Variants in TTLL3 observed in about 807,000 individuals in gnomAD.
TTLL3 encodes tubulin monoglycylase TTLL3.
Under a neutral mutation model 75.2 loss-of-function variants are expected in TTLL3, and 63 were observed. The ratio of observed to expected loss-of-function variants is 0.84; its 90% CI spans 0.68 to 1.03. The LOEUF is 1.03. Among genes scored for constraint, TTLL3 ranks in the 50% least tolerant of loss-of-function variants. The probability of loss-of-function intolerance (pLI) is 0.00; values close to 1 mark genes in which losing one functional copy is unlikely to be tolerated. For synonymous variants in TTLL3, 393 were observed against 418.5 expected (o/e 0.94, Z 0.74); for missense variants, 997 against 1,069.9 (o/e 0.93, Z 0.95).
At position 9,810,432 on chromosome 3, in the gene TTLL3, G is replaced by A. The variant is rs1322368623; in HGVS notation, c.-42+38G>A. The A allele has an allele frequency of 7.0e-7, 1 of 1,424,442 alleles. No homozygotes were observed. The highest frequency in any genetic ancestry group is 2.6e-5 in the East Asian group (1 of 37,834). 88.2% of individuals were successfully genotyped at this position (1,424,442 alleles called of 1,614,324 possible). ...CGGCCCGCTCGCTCTGGCCTACAGC[G>A]GCTGCGAGGACGACAAGACGCTGGG... On this transcript the variant is annotated intron_variant, in intron 1 of 13. Coordinates refer to ENST00000685419, the MANE Select transcript of TTLL3 (RefSeq NM_001387446.1). This position sits in a 1 kb window ranked among gnomAD's most constrained non-coding sequence, Gnocchi z 4.4.
Position 9,810,614 on chromosome 3 carries a change from T to C in TTLL3, c.-41-7T>C. 6.4e-7 allele frequency: 1 copy of C among 1,559,472 alleles called. No individual in the cohort carries two copies. The highest frequency in any genetic ancestry group is 1.2e-5 in the South Asian group (1 of 84,554). ...GTACCCCGCCCCTATTCCGCATCTTTCTGCAGGTTTCCCGGTCCTCTGGCG... is the reference window on the plus strand; with the variant it reads ...GTACCCCGCCCCTATTCCGCATCTTCCTGCAGGTTTCCCGGTCCTCTGGCG... On this transcript the variant is annotated splice_polypyrimidine_tract_variant and splice_region_variant and intron_variant, in intron 1 of 13. Coordinates refer to ENST00000685419, the MANE Select transcript of TTLL3 (RefSeq NM_001387446.1). This position sits in a 1 kb window ranked among gnomAD's most constrained non-coding sequence, Gnocchi z 4.4.
intron 8 of TTLL3, among the ~76,000 whole-genome samples, chr3:9,821,757 C>G (rs1351218391): frequency 6.6e-6 from 1 of 152,132 alleles, no homozygotes; most frequent in East Asian, 1.9e-4. Context: ...AATCCCAGCA[C>G]TTTGGGAGGC....
chr3:9,815,734 T>C (rs2079786670), intron 4 of TTLL3, among the ~76,000 whole-genome samples: 1 of 152,256 alleles, frequency 6.6e-6, no homozygotes, highest in Admixed American at 6.5e-5. Context: ...TGCCATGGTT[T>C]GATGAGGCTA....
At chr3:9,829,809 G>A (rs115026644) in intron 11 of TTLL3, among the ~76,000 whole-genome samples, 1,711 of 152,248 alleles carry the variant, frequency 0.011, 9 homozygotes, top group Non-Finnish European at 0.016. Context: ...GGTACTATGA[G>A]TTGTGAGAAT....
chr3:9,825,876 G>A lies in TTLL3; in HGVS notation c.931G>A (p.Val311Ile). 3 of 1,614,142 alleles carry A rather than the reference G, an allele frequency of 1.9e-6. No individual in the cohort carries two copies. Among genetic ancestry groups the A allele is most frequent in the East Asian group, 2.2e-5 (1 of 44,890 alleles). The change falls in exon 9 of 14, where the codon GTA (valine) becomes ATA (isoleucine). Residue 311 changes from valine to isoleucine, a missense_variant. By Grantham distance (29) the Val-to-Ile change is conservative. Coordinates refer to ENST00000685419, the MANE Select transcript of TTLL3 (RefSeq NM_001387446.1). ...CATCCTGCAGCAGCTGCAGGCCGTG[G>A]TACCCCAGATAGACATGGAAGGGGA... Reference protein sequence around the residue: ...EDILQQLQAVVPQIDMEGDRN... With the variant: ...EDILQQLQAVIPQIDMEGDRN...
rs146570451 is a variant in TTLL3, at chr3:9,835,680, C to T, written c.*191C>T. On this transcript the variant is annotated 3_prime_UTR_variant, in exon 14 of 14. Coordinates refer to ENST00000685419, the MANE Select transcript of TTLL3 (RefSeq NM_001387446.1). Reference sequence around the variant, plus strand: ...TACCCAAGATCACGTGGCAGTGAGTCGACGCAGGGACATATTGCCAGAACT... The same window carrying T: ...TACCCAAGATCACGTGGCAGTGAGTTGACGCAGGGACATATTGCCAGAACT... 15 of 579,694 alleles carry T rather than the reference C, an allele frequency of 2.6e-5. No individual in the cohort carries two copies. Among genetic ancestry groups the T allele is most frequent in the African/African-American group, 9.4e-5 (5 of 53,034 alleles). The allele number at this position is 579,694 out of a possible 1,614,324, so 35.9% of individuals were successfully genotyped here. A position where few individuals can be genotyped will look rare whatever the true frequency, so the allele number is the denominator to read the frequency against.
chr3:9,829,498 C>G, intron 11 of TTLL3, 103 bp downstream of exon 11: 1 of 1,424,110 alleles, frequency 7.0e-7, no homozygotes, highest in Non-Finnish European at 9.3e-7. Flanking sequence ...AGTTTAAGAC[C>G]CAGATTCAAG....
chr3:9,820,811 C>T (rs1002566167), intron 8 of TTLL3, 70 bp downstream of exon 8: 6 of 1,570,418 alleles, frequency 3.8e-6, no homozygotes, highest in African/African-American at 1.4e-5. Context: ...CTGTCTCGTG[C>T]AGCCCCTACC....
intron 4 of TTLL3, 154 bp downstream of exon 4, chr3:9,813,499 G>A: frequency 1.1e-6 from 1 of 902,972 alleles, no homozygotes; most frequent in East Asian, 2.7e-5. Context: ...GCTGGATAGA[G>A]CTGGACATGG....
chr3:9,834,260 G>A lies in TTLL3; in HGVS notation c.1826-421G>A, dbSNP rs777895515. On this transcript the variant is annotated intron_variant, in intron 12 of 13. Transcript: ENST00000685419. Reference sequence around the variant, plus strand: ...CCAGGTTGCTCTCTCCAGCGCCCACGCTTTTCCCACTGCAGTATTCTGCCT... The same window carrying A: ...CCAGGTTGCTCTCTCCAGCGCCCACACTTTTCCCACTGCAGTATTCTGCCT... The A allele has an allele frequency of 4.7e-5, 19 of 407,732 alleles. No individual in the cohort carries two copies. The East Asian group carries it at 7.7e-4, about 17-fold the overall frequency. The allele number at this position is 407,732 out of a possible 1,614,324, so 25.3% of individuals were successfully genotyped here.
chr3:9,817,818 C>T (rs2080032597), intron 6 of TTLL3, 59 bp downstream of exon 6: 1 of 1,608,014 alleles, frequency 6.2e-7, no homozygotes, highest in South Asian at 1.1e-5. Context: ...GGCTGAAGCT[C>T]TGGCTCATAT....
At chr3:9,824,634 C>A (rs1166690251) in intron 8 of TTLL3, among the ~76,000 whole-genome samples, 1 of 152,038 alleles carries the variant, frequency 6.6e-6, no homozygotes, top group African/African-American at 2.4e-5. Flanking sequence ...TGGTCTCAAT[C>A]TCTTAACCTT....
rs753634253 is a variant in TTLL3 at position 9,835,465 on chromosome 3, C to T, written c.2424C>T (p.Thr808=). Residue 808 remains threonine, a synonymous_variant, in exon 14 of 14, where the codon ACC becomes ACT. Coordinates refer to ENST00000685419, the MANE Select transcript of TTLL3 (RefSeq NM_001387446.1). ...GSRVDGARPC[T]PGSTARA ...GAGTGGATGGGGCGAGGCCGTGTAC[C>T]CCAGGGTCCACAGCAAGAGCCTGAG... 5 of 1,604,038 alleles carry T rather than the reference C, an allele frequency of 3.1e-6. No individual in the cohort carries two copies. Among genetic ancestry groups the T allele is most frequent in the Admixed American group, 1.7e-5 (1 of 58,642 alleles).
upstream of TTLL3, chr3:9,810,131 C>G (rs1164217345): frequency 1.4e-6 from 2 of 1,472,052 alleles, no homozygotes; most frequent in East Asian, 5.9e-5. This position sits in a 1 kb window ranked among gnomAD's most constrained non-coding sequence, Gnocchi z 4.4. Flanking sequence ...AAGCCGCAGC[C>G]GCTCGAGCCA....
intron 12 of TTLL3, among the ~76,000 whole-genome samples, chr3:9,833,752 G>A (rs1344698592): frequency 2.0e-5 from 3 of 152,106 alleles, no homozygotes; most frequent in Non-Finnish European, 4.4e-5. Context: ...GGCTAATGAG[G>A]ATCGCTTGAG....
rs1246493000 is a variant in TTLL3, at chr3:9,833,140, C to A, written c.1720C>A (p.Leu574Ile). ...VEVPQYVGIRLLVEGFTIKKP... is the reference protein window; with the variant it reads ...VEVPQYVGIRILVEGFTIKKP... ...GGTGCCTCAATATGTGGGCATCCGG[C>A]TCCTGGTAGAGGGCTTCACCATCAA... Residue 574 changes from leucine to isoleucine, a missense_variant, in exon 12 of 14, where the codon CTC (leucine) becomes ATC (isoleucine). Leu to Ile is a conservative substitution (Grantham distance 5, BLOSUM62 2). Coordinates refer to ENST00000685419, the MANE Select transcript of TTLL3 (RefSeq NM_001387446.1). 1.2e-6 allele frequency: 2 copies of A among 1,614,098 alleles called. No individual in the cohort carries two copies. The highest frequency in any genetic ancestry group is 3.3e-5 in the Admixed American group (2 of 60,004).
rs767566743 is a variant in TTLL3, at chr3:9,834,741, G to A, written c.1886G>A (p.Arg629Gln). 41 of 1,614,012 alleles carry A rather than the reference G, an allele frequency of 2.5e-5. No homozygotes were observed. Among genetic ancestry groups the A allele is most frequent in the Middle Eastern group, 3.3e-4 (2 of 6,084 alleles). ...KAQLPSPHVLRHQGQVLRRQH... is the reference protein window; with the variant it reads ...KAQLPSPHVLQHQGQVLRRQH... The stretch of plus-strand genomic sequence containing the variant: ...CAGCTGCCTTCTCCCCATGTACTCC[G>A]ACACCAGGGCCAGGTCCTCAGACGA... Residue 629 changes from arginine to glutamine, a missense_variant, in exon 13 of 14, where the codon CGA becomes CAA. Arg to Gln is a conservative substitution (Grantham distance 43, BLOSUM62 1). Transcript: ENST00000685419.
At chr3:9,834,112 CAAAA>C (rs34679102) in intron 12 of TTLL3, 709 of 130,642 alleles carry the variant, frequency 5.4e-3, no homozygotes, top group South Asian at 9.2e-3. Flanking sequence ...AACTCTGTCT[CAAAA>C]AAAAAAAAAA....
intron 12 of TTLL3, 187 bp from the exon 13 acceptor site, chr3:9,834,494 G>A: frequency 3.2e-6 from 3 of 939,742 alleles, no homozygotes; most frequent in South Asian, 1.4e-5. Flanking sequence ...CAGCTGGGAT[G>A]CAGACCCAGG....
Sources: allele counts gnomAD v4.1 joint callset (sites outside exome capture counted in the v4.1 genomes callset), GRCh38; gene constraint gnomAD v4.1.1; non-coding constraint Gnocchi (gnomAD v3.1); transcripts MANE v1.5; gene names NCBI Gene and HGNC (gene_info 2026-07-23, HGNC 2026-07-21).